LOXHD1: variants seen among roughly 807,000 people sequenced by gnomAD.
LOXHD1 encodes lipoxygenase homology PLAT domains 1.
Under a neutral mutation model 248.2 loss-of-function variants are expected in LOXHD1, and 205 were observed. The observed-to-expected ratio is 0.83, with a 90% confidence interval of 0.74 to 0.93. The LOEUF is 0.93. LOXHD1 is among the 40% of genes least tolerant of loss of function. LOXHD1 has a pLI of 0.00. For synonymous variants in LOXHD1, 1,113 were observed against 1,162.8 expected (o/e 0.96, Z 0.87); for missense variants, 2,930 against 2,971.6 (o/e 0.99, Z 0.33).
At chr18:46,530,499 C>G (rs77535769) in intron 28 of LOXHD1, among the ~76,000 whole-genome samples, 3,974 of 152,142 alleles carry the variant, frequency 0.026, 181 homozygotes, top group African/African-American at 0.092. Context: ...TGTGTGACAG[C>G]GAGCACAGCT....
At chr18:46,635,174 A>G (rs2038877210) in intron 4 of LOXHD1, among the ~76,000 whole-genome samples, 1 of 152,064 alleles carries the variant, frequency 6.6e-6, no homozygotes, top group Admixed American at 6.5e-5. Flanking sequence ...GCCTAGATAG[A>G]CACTGTGTTG....
Position 46,518,232 on chromosome 18 carries a change from T to C in LOXHD1, c.5296A>G (p.Thr1766Ala). ...VKVLYEMTVW[T>A]GDVVGGGTDS... ...GTGCCCCCGCCAACCACATCCCCTG[T>C]CCACACCGTCATTTCATAGAGAACC... Residue 1766 changes from threonine (T) to alanine (A), a missense_variant, in exon 34 of 41, where the codon ACA becomes GCA. Thr to Ala is a moderately conservative substitution (Grantham distance 58). Coordinates refer to ENST00000642948, the MANE Select transcript of LOXHD1 (RefSeq NM_001384474.1). The C allele has an allele frequency of 1.3e-6, 2 of 1,551,656 alleles. No individual in the cohort carries two copies. The highest frequency in any genetic ancestry group is 1.7e-6 in the Non-Finnish European group (2 of 1,146,954).
intron 35 of LOXHD1, among the ~76,000 whole-genome samples, chr18:46,508,493 T>A (rs572378745): frequency 1.3e-5 from 2 of 152,156 alleles, no homozygotes; most frequent in South Asian, 4.2e-4. Context: ...CCAGAACAGA[T>A]GTTTCTCTAG....
chr18:46,573,922 A>C lies in LOXHD1; in HGVS notation c.1971-1760T>G, dbSNP rs1320804798. 1.4e-4 allele frequency among the ~76,000 whole-genome samples: 21 copies of C among 152,132 alleles called. 1 individual carries two copies. The highest frequency in any genetic ancestry group is 1.5e-4 in the Non-Finnish European group (10 of 68,028). On this transcript the variant is annotated intron_variant, in intron 14 of 40. Coordinates refer to ENST00000642948, the MANE Select transcript of LOXHD1 (RefSeq NM_001384474.1). ...CATGAGCATGCAATGGTGAAATCCT[A>C]GGCATTAATGACAGGGGGATTTGGG...
At chr18:46,646,016 A>G (rs1013795339) in intron 2 of LOXHD1, among the ~76,000 whole-genome samples, 5 of 152,206 alleles carry the variant, frequency 3.3e-5, no homozygotes, top group African/African-American at 7.2e-5. Context: ...AGTTGTTTGC[A>G]TTGCTGCAGT....
At chr18:46,572,915 C>A (rs555356979) in intron 14 of LOXHD1, among the ~76,000 whole-genome samples, 1 of 143,730 alleles carries the variant, frequency 7.0e-6, no homozygotes, top group African/African-American at 2.6e-5. Context: ...CCCAGCTACT[C>A]GGGAGGCTGA....
At chr18:46,582,169 T>C (rs914892044) in intron 12 of LOXHD1, among the ~76,000 whole-genome samples, 6 of 152,318 alleles carry the variant, frequency 3.9e-5, no homozygotes, top group African/African-American at 1.4e-4. Flanking sequence ...TGTGAATCTT[T>C]TCTTCTCATA....
Position 46,497,977 on chromosome 18 carries a change from T to C in LOXHD1, c.5878+7861A>G, listed in dbSNP as rs556192654. On this transcript the variant is annotated intron_variant, in intron 37 of 40. Coordinates refer to ENST00000642948, the MANE Select transcript of LOXHD1 (RefSeq NM_001384474.1). ...CGAGGTCTCAGTGGCTGGAATTAAA[T>C]GACAATTGCAGAGTGGGATCACAAA... 3.9e-5 allele frequency among the ~76,000 whole-genome samples: 6 copies of C among 152,320 alleles called. No individual in the cohort carries two copies. The East Asian group carries it at 5.8e-4, about 15-fold the overall frequency.
chr18:46,552,341 C>G (rs570369881), intron 21 of LOXHD1, among the ~76,000 whole-genome samples: 3 of 152,258 alleles, frequency 2.0e-5, no homozygotes, highest in Admixed American at 6.5e-5. Flanking sequence ...TCACTTTTTG[C>G]CAGCCTGGGA....
intron 28 of LOXHD1, 60 bp downstream of exon 28, chr18:46,533,102 C>T: frequency 1.3e-6 from 2 of 1,534,156 alleles, no homozygotes; most frequent in Non-Finnish European, 1.8e-6. Flanking sequence ...GGCATGTGCT[C>T]AGGAGGACCA....
chr18:46,559,456 G>A lies in LOXHD1; in HGVS notation c.3208C>T (p.Gln1070Ter). The change falls in exon 20 of 41, where the codon CAG becomes TAG. Residue 1070 changes from glutamine to a stop codon, truncating the protein, a stop_gained. Transcript: ENST00000642948. LOFTEE classifies it high-confidence loss of function. Reference protein sequence around the residue: ...KKSDKSNKFEQGQTDTFTIYA... With the variant: ...KKSDKSNKFE ...AGAGACCCTCACCCTACCTGCCCCT[G>A]CTCAAATTTGTTGGACTTGTCTGAC... The A allele has an allele frequency of 6.4e-7, 1 of 1,552,072 alleles. No individual in the cohort carries two copies. The highest frequency in any genetic ancestry group is 1.4e-5 in the African/African-American group (1 of 73,158).
At chr18:46,571,821 C>A (rs1007865603) in intron 15 of LOXHD1, among the ~76,000 whole-genome samples, 1 of 152,192 alleles carries the variant, frequency 6.6e-6, no homozygotes, top group Admixed American at 6.5e-5. Flanking sequence ...ACTGCCAATG[C>A]TTGGCACCAT....
At chr18:46,616,664 T>C (rs943638009) in intron 5 of LOXHD1, among the ~76,000 whole-genome samples, 7 of 152,234 alleles carry the variant, frequency 4.6e-5, no homozygotes, top group African/African-American at 1.7e-4. Flanking sequence ...TGGTAAACTC[T>C]ATTTATCTTT....
At chr18:46,510,632 C>T (rs138815932) in intron 34 of LOXHD1, among the ~76,000 whole-genome samples, 16 of 152,258 alleles carry the variant, frequency 1.1e-4, no homozygotes, top group East Asian at 7.7e-4. Context: ...TGGCAATCGT[C>T]GTGCTTCCTT....
intron 34 of LOXHD1, among the ~76,000 whole-genome samples, chr18:46,517,035 C>T (rs2035290216): frequency 6.6e-6 from 1 of 152,142 alleles, no homozygotes; most frequent in Non-Finnish European, 1.5e-5. Flanking sequence ...GTATGAGGGG[C>T]TCAGAAAGGA....
At position 46,521,141 on chromosome 18, in the gene LOXHD1, C is replaced by CA; in HGVS notation, c.5226dup (p.Val1743CysfsTer19). 6.4e-7 allele frequency: 1 copy of CA among 1,551,752 alleles called. No homozygotes were observed. The highest frequency in any genetic ancestry group is 8.7e-7 in the Non-Finnish European group (1 of 1,147,018). ...ACCATGGCATCCAAGAGGTCGAAGA[C>CA]ACGGGAGGTGATGCCGTCGCCTCTG... is the stretch of plus-strand genomic sequence containing the variant. On this transcript the variant is annotated frameshift_variant, in exon 33 of 41. Coordinates refer to ENST00000642948, the MANE Select transcript of LOXHD1 (RefSeq NM_001384474.1). LOFTEE classifies it high-confidence loss of function.
At chr18:46,501,504 T>C (rs1253501167) in intron 37 of LOXHD1, among the ~76,000 whole-genome samples, 1 of 152,220 alleles carries the variant, frequency 6.6e-6, no homozygotes, top group Non-Finnish European at 1.5e-5. Flanking sequence ...AGATGATACA[T>C]GTTAGATAAG....
chr18:46,538,470 G>A (rs987030347), intron 25 of LOXHD1, 133 bp from the exon 26 acceptor site: 6 of 900,134 alleles, frequency 6.7e-6, no homozygotes, highest in African/African-American at 1.6e-5. Flanking sequence ...GGGAACTGCT[G>A]CTCAGGGACC....
rs1173176220 is a variant in LOXHD1, at chr18:46,586,192, T to C, written c.1654+5741A>G. Among the ~76,000 whole-genome samples the C allele has an allele frequency of 2.0e-5, 3 of 152,162 alleles. No homozygotes were observed. In the East Asian group the frequency reaches 5.8e-4, roughly 29 times the overall value. ...GACTCTATATATGAAATATCCAGAT[T>C]AGGCCAATCTGTGGAGACAAAAAGT... On this transcript the variant is annotated intron_variant, in intron 12 of 40. Transcript: ENST00000642948.
Sources: gnomAD v4.1 joint callset for allele counts (sites outside exome capture counted in the v4.1 genomes callset) on GRCh38, gnomAD v4.1.1 for gene constraint, MANE v1.5 for transcripts, NCBI Gene and HGNC (gene_info 2026-07-23, HGNC 2026-07-21) for gene names.